NSMCE4A: variants seen among roughly 807,000 people sequenced by gnomAD.
NSMCE4A encodes the protein NSE4A component of SMC5/6 complex, also known as non-structural maintenance of chromosomes element 4 homolog A.
Under a neutral mutation model 47.9 loss-of-function variants are expected in NSMCE4A, and 40 were observed. The ratio of observed to expected loss-of-function variants is 0.83; its 90% confidence interval spans 0.65 to 1.09. NSMCE4A has a LOEUF of 1.09. NSMCE4A is among the 50% of genes least tolerant of loss of function. NSMCE4A has a pLI of 0.00. For synonymous variants in NSMCE4A, 166 were observed against 178.5 expected, an observed-to-expected ratio of 0.93 and a Z score of 0.56; for missense variants, 500 against 507.0, an observed-to-expected ratio of 0.99 and a Z score of 0.13.
At chr10:121,959,795 C>T (rs1286184450) in intron 8 of NSMCE4A, 200 bp from the exon 9 acceptor site, 4 of 585,524 alleles carry the variant, frequency 6.8e-6, no homozygotes, top group Non-Finnish European at 1.2e-5. Context: ...GTTTCCATTT[C>T]AAAAAACATG....
Position 121,960,367 on chromosome 10 carries a change from G to T in NSMCE4A, c.979C>A (p.Pro327Thr). Residue 327 changes from proline to threonine, a missense_variant, in exon 8 of 11, where the codon CCA (proline) becomes ACA (threonine). Transcript: ENST00000369023. This position sits in a 1 kb window ranked among gnomAD's most constrained non-coding sequence, Gnocchi z 4.2. ...ACATAGTATCATTTACCTATTACTG[G>T]CAGTCGGTCTTGGTCAAGTCTTATT... is the stretch of plus-strand genomic sequence containing the variant. ...ARIRLDQDRL[P>T]VIEPVSINEE... 6.7e-7 allele frequency: 1 copy of T among 1,490,172 alleles called. No individual in the cohort carries two copies. Among genetic ancestry groups the T allele is most frequent in the Non-Finnish European group, 8.8e-7 (1 of 1,131,158 alleles). 92.3% of individuals were successfully genotyped at this position (1,490,172 alleles called of 1,614,324 possible). A position where few individuals can be genotyped will look rare whatever the true frequency, so the allele number is the denominator to read the frequency against.
At chr10:121,969,961 C>T (rs1045278786) in intron 3 of NSMCE4A, among the ~76,000 whole-genome samples, 3 of 152,128 alleles carry the variant, frequency 2.0e-5, no homozygotes, top group Non-Finnish European at 4.4e-5. Flanking sequence ...GGTGATCCAC[C>T]CGCCTCAGCC....
At chr10:121,965,600 CCA>C (rs1206903101) in intron 4 of NSMCE4A, among the ~76,000 whole-genome samples, 7 of 152,208 alleles carry the variant, frequency 4.6e-5, no homozygotes, top group East Asian at 1.9e-4. Flanking sequence ...CTTTACTCAA[CCA>C]CAGATACCTC....
Position 121,967,489 on chromosome 10 carries a change from C to T in NSMCE4A, c.653+166G>A, listed in dbSNP as rs183675076. ...CCGGGATTACAGGCATGAGCCACCACACCCGGCCTAGTGTTTATGAACTTT... is the reference window on the plus strand; with the variant it reads ...CCGGGATTACAGGCATGAGCCACCATACCCGGCCTAGTGTTTATGAACTTT... On this transcript the variant is annotated intron_variant, in intron 4 of 10. Transcript: ENST00000369023. 4.8e-4 allele frequency: 325 copies of T among 684,180 alleles called. 3 individuals carry two copies. Among genetic ancestry groups the T allele is most frequent in the Admixed American group, 3.1e-3 (94 of 30,222 alleles). The allele number at this position is 684,180 out of a possible 1,614,324, so 42.4% of individuals were successfully genotyped here. A position where few individuals can be genotyped will look rare whatever the true frequency, so the allele number is the denominator to read the frequency against.
Position 121,960,699 on chromosome 10 carries a change from A to G in NSMCE4A, c.940-293T>C, listed in dbSNP as rs1952481949. 6.6e-6 allele frequency among the ~76,000 whole-genome samples: 1 copy of G among 152,144 alleles called. No individual in the cohort carries two copies. The highest frequency in any genetic ancestry group is 2.4e-5 in the African/African-American group (1 of 41,414). On this transcript the variant is annotated intron_variant, in intron 7 of 10. Coordinates refer to ENST00000369023, the MANE Select transcript of NSMCE4A (RefSeq NM_017615.3). The surrounding 1 kb of genome is among the most constrained non-coding windows in gnomAD (Gnocchi z 4.2). The stretch of plus-strand genomic sequence containing the variant: ...TTATACATATTTTGGAATACTCCAC[A>G]TTTTATTCTGCATAATTCTGTCACT...
intron 5 of NSMCE4A, among the ~76,000 whole-genome samples, chr10:121,965,034 C>T (rs1382904565): frequency 6.6e-6 from 1 of 152,084 alleles, no homozygotes; most frequent in Non-Finnish European, 1.5e-5. Context: ...CATTATCCAG[C>T]CGTAAATGTT....
rs538302428 is a variant in NSMCE4A at position 121,974,173 on chromosome 10, C to G, written c.293-92G>C. ...ATCACCTGCAACAGTAAAGCCAAGC[C>G]CCGGCCCCTGCGCTCTGAGTAATTA... On this transcript the variant is annotated intron_variant, in intron 1 of 10. Coordinates refer to ENST00000369023, the MANE Select transcript of NSMCE4A (RefSeq NM_017615.3). 1.4e-5 allele frequency: 19 copies of G among 1,364,268 alleles called. No homozygotes were observed. In the Admixed American group the frequency reaches 3.2e-4, roughly 23 times the overall value. 84.5% of individuals were successfully genotyped at this position (1,364,268 alleles called of 1,614,324 possible). A position where few individuals can be genotyped will look rare whatever the true frequency, so the allele number is the denominator to read the frequency against.
chr10:121,967,578 T>C, intron 4 of NSMCE4A, 77 bp downstream of exon 4: 1 of 1,453,934 alleles, frequency 6.9e-7, no homozygotes, highest in East Asian at 2.3e-5. Context: ...CAATACCAAA[T>C]AATCTTTGTC....
intron 5 of NSMCE4A, among the ~76,000 whole-genome samples, chr10:121,964,918 T>C (rs892190575): frequency 3.3e-5 from 5 of 152,192 alleles, no homozygotes; most frequent in Admixed American, 1.3e-4. Flanking sequence ...GTAGACATTT[T>C]TGGTTGTCAC....
chr10:121,971,102 C>A, intron 2 of NSMCE4A, 33 bp from the exon 3 acceptor site: 1 of 1,584,694 alleles, frequency 6.3e-7, no homozygotes, highest in South Asian at 1.1e-5. Context: ...ATTCACATTA[C>A]AAAATACACA....
In NSMCE4A at chr10:121,960,368, C is replaced by A. The variant is rs1408473778; in HGVS notation, c.978G>T (p.Leu326=). 1 of 1,493,068 alleles carries A rather than the reference C, an allele frequency of 6.7e-7. No individual in the cohort carries two copies. Among genetic ancestry groups the A allele is most frequent in the Non-Finnish European group, 8.8e-7 (1 of 1,133,096 alleles). 92.5% of individuals were successfully genotyped at this position (1,493,068 alleles called of 1,614,324 possible). The part of the protein sequence containing the change: ...FARIRLDQDR[L]PVIEPVSINE... ...CATAGTATCATTTACCTATTACTGG[C>A]AGTCGGTCTTGGTCAAGTCTTATTC... Residue 326 remains leucine, a synonymous_variant, in exon 8 of 11, where the codon CTG becomes CTT. Coordinates refer to ENST00000369023, the MANE Select transcript of NSMCE4A (RefSeq NM_017615.3). The surrounding 1 kb of genome is among the most constrained non-coding windows in gnomAD (Gnocchi z 4.2).
chr10:121,965,963 C>G (rs2134757123), intron 4 of NSMCE4A: 1 of 152,280 alleles, frequency 6.6e-6, no homozygotes, highest in South Asian at 2.1e-4. Flanking sequence ...TCATGTGGTC[C>G]CTACCCTTGA....
intron 5 of NSMCE4A, among the ~76,000 whole-genome samples, chr10:121,963,696 C>T (rs532483450): frequency 3.9e-4 from 59 of 152,016 alleles, no homozygotes; most frequent in African/African-American, 1.3e-3. Flanking sequence ...CTGGCTAACA[C>T]GGTGAAACCC....
Position 121,961,523 on chromosome 10 carries a change from G to A in NSMCE4A, c.845-6C>T, listed in dbSNP as rs1197146350. On this transcript the variant is annotated splice_region_variant and splice_polypyrimidine_tract_variant and intron_variant, in intron 6 of 10. Transcript: ENST00000369023. ...GAAGGACATTGGGGTATCAGCTATAGACAAAAAGAGAAAAAAAAATTGATT... is the reference window on the plus strand; with the variant it reads ...GAAGGACATTGGGGTATCAGCTATAAACAAAAAGAGAAAAAAAAATTGATT... 1.3e-6 allele frequency: 2 copies of A among 1,531,362 alleles called. No individual in the cohort carries two copies. The highest frequency in any genetic ancestry group is 1.7e-4 in the Middle Eastern group (1 of 5,758). 94.9% of individuals were successfully genotyped at this position (1,531,362 alleles called of 1,614,324 possible).
intron 3 of NSMCE4A, among the ~76,000 whole-genome samples, chr10:121,970,590 A>C (rs1393510740): frequency 6.6e-6 from 1 of 151,890 alleles, no homozygotes; most frequent in Non-Finnish European, 1.5e-5. Flanking sequence ...ATTCCAGCTG[A>C]GCTCTGCCAT....
Position 121,971,613 on chromosome 10 carries a change from CCTA to C in NSMCE4A, c.371-547_371-545del, listed in dbSNP as rs982174565. Among the ~76,000 whole-genome samples the C allele has an allele frequency of 1.4e-4, 21 of 152,228 alleles. 1 individual carries two copies. Among genetic ancestry groups the C allele is most frequent in the Non-Finnish European group, 2.9e-5 (2 of 68,044 alleles). On this transcript the variant is annotated intron_variant, in intron 2 of 10. Coordinates refer to ENST00000369023, the MANE Select transcript of NSMCE4A (RefSeq NM_017615.3). Reference sequence around the variant, plus strand: ...AAAAGCCAGCTTTCTGTCTAGTTCTCCTACTGTTAGCTGAATCACAATCTCTTA... The same window carrying C: ...AAAAGCCAGCTTTCTGTCTAGTTCTCCTGTTAGCTGAATCACAATCTCTTA...
chr10:121,974,408 T>C (rs1027186517), intron 1 of NSMCE4A: 1 of 1,044,920 alleles, frequency 9.6e-7, no homozygotes, highest in Non-Finnish European at 1.2e-6. Context: ...GGAGGGCCAC[T>C]CCACAGTTGC....
intron 6 of NSMCE4A, 41 bp from the exon 7 acceptor site, chr10:121,961,558 C>T (rs867188728): frequency 1.1e-5 from 13 of 1,226,788 alleles, no homozygotes; most frequent in Middle Eastern, 2.0e-4. Context: ...TTTTGCTTGT[C>T]ATTAATATCA....
In NSMCE4A at chr10:121,975,119, C is replaced by T. The variant is rs1952793680; in HGVS notation, c.47G>A (p.Gly16Asp). ...SGRGPEGRGRGRDPHRDRTRS... is the reference protein window; with the variant it reads ...SGRGPEGRGRDRDPHRDRTRS... ...GGTGCGATCCCGATGCGGGTCGCGG[C>T]CCCGGCCCCGGCCCTCTGGCCCGCG... The change falls in exon 1 of 11, where the codon GGC becomes GAC. Residue 16 changes from glycine to aspartate, a missense_variant. Physicochemically the swap from Gly to Asp is moderately conservative, Grantham distance 94 (BLOSUM62 -1). Coordinates refer to ENST00000369023, the MANE Select transcript of NSMCE4A (RefSeq NM_017615.3). 3 of 1,418,908 alleles carry T rather than the reference C, an allele frequency of 2.1e-6. No homozygotes were observed. The highest frequency in any genetic ancestry group is 2.7e-6 in the Non-Finnish European group (3 of 1,098,054). 87.9% of individuals were successfully genotyped at this position (1,418,908 alleles called of 1,614,324 possible).
Sources: gnomAD v4.1 joint callset for allele counts (sites outside exome capture counted in the v4.1 genomes callset) on GRCh38, gnomAD v4.1.1 for gene constraint, Gnocchi (gnomAD v3.1) non-coding constraint, MANE v1.5 for transcripts, NCBI Gene and HGNC (gene_info 2026-07-23, HGNC 2026-07-21) for gene names.